Variants in MRC2 observed in about 807,000 individuals in gnomAD.
The protein encoded by MRC2 is C-type mannose receptor 2.
MRC2 carries 84 observed loss-of-function variants against 206.2 expected under a neutral mutation model. That is an observed-to-expected ratio of 0.41 (90% CI 0.34 to 0.49). MRC2 has a LOEUF of 0.49. Ranked by LOEUF, MRC2 falls within the 20% of genes least tolerant of loss-of-function variation. MRC2 has a pLI of 0.31. For missense variants in MRC2, 1,676 were observed against 2,001.5 expected, an observed-to-expected ratio of 0.84 and a Z score of 3.10; for synonymous variants, 798 against 800.0, an observed-to-expected ratio of 1.00 and a Z score of 0.04.
chr17:62,683,911 A>G (rs975505048), intron 20 of MRC2: 2 of 152,130 alleles, frequency 1.3e-5, no homozygotes, highest in Admixed American at 6.5e-5. Flanking sequence ...TAATATGCTC[A>G]CTTTGGCAGC....
chr17:62,629,393 G>T (rs1598961031), intron 1 of MRC2, among the ~76,000 whole-genome samples: 1 of 152,190 alleles, frequency 6.6e-6, no homozygotes, highest in Non-Finnish European at 1.5e-5. Flanking sequence ...TGAGAGGCCC[G>T]GTCAGGGAGG....
At chr17:62,636,814 C>T (rs2088327040) in intron 1 of MRC2, among the ~76,000 whole-genome samples, 1 of 151,930 alleles carries the variant, frequency 6.6e-6, no homozygotes, top group African/African-American at 2.4e-5. Context: ...CTATGTTGCC[C>T]AGGCCTGGCT....
In MRC2 at chr17:62,666,666, C is replaced by T. The variant is rs1013974319; in HGVS notation, c.859+47C>T. ...GCTCGTGCCTCTGGAGGGCCCGGGC[C>T]CTTTCCGCTTGTGGGTTGGGGAGAG... On this transcript the variant is annotated intron_variant, in intron 4 of 29. Transcript: ENST00000303375. The surrounding 1 kb of genome is among the most constrained non-coding windows in gnomAD (Gnocchi z 5.0). 1 of 1,549,920 alleles carries T rather than the reference C, an allele frequency of 6.5e-7. No homozygotes were observed.
chr17:62,680,689 A>G lies in MRC2; in HGVS notation c.2474-111A>G. On this transcript the variant is annotated intron_variant, in intron 16 of 29. Coordinates refer to ENST00000303375, the MANE Select transcript of MRC2 (RefSeq NM_006039.5). The surrounding 1 kb of genome is among the most constrained non-coding windows in gnomAD (Gnocchi z 4.8). Reference sequence around the variant, plus strand: ...GCCTGCCTGGGTCCGGTGTGCCTGCAGGCTCGCCTGCTGCCGCCTGGCTCT... The same window carrying G: ...GCCTGCCTGGGTCCGGTGTGCCTGCGGGCTCGCCTGCTGCCGCCTGGCTCT... 7.4e-7 allele frequency: 1 copy of G among 1,345,394 alleles called. No individual in the cohort carries two copies. Among genetic ancestry groups the G allele is most frequent in the Non-Finnish European group, 9.7e-7 (1 of 1,031,110 alleles). 83.3% of individuals were successfully genotyped at this position (1,345,394 alleles called of 1,614,324 possible). A position where few individuals can be genotyped will look rare whatever the true frequency, so the allele number is the denominator to read the frequency against.
intron 1 of MRC2, among the ~76,000 whole-genome samples, chr17:62,646,055 T>C (rs2088480769): frequency 1.3e-5 from 2 of 148,990 alleles, no homozygotes; most frequent in African/African-American, 2.5e-5. Context: ...GACGGAGTCT[T>C]GCTCTGTTGC....
At chr17:62,635,191 C>CT (rs35446845) in intron 1 of MRC2, among the ~76,000 whole-genome samples, 3,997 of 101,676 alleles carry the variant, frequency 0.039, 105 homozygotes, top group Non-Finnish European at 0.046. Context: ...CTATTTTTCT[C>CT]TTTTTTTTTT....
At chr17:62,631,085 T>G (rs974706186) in intron 1 of MRC2, among the ~76,000 whole-genome samples, 1 of 152,174 alleles carries the variant, frequency 6.6e-6, no homozygotes, top group African/African-American at 2.4e-5. Flanking sequence ...AGAGAAATCC[T>G]GGCTTTCTGA....
chr17:62,629,815 A>G (rs987413083), intron 1 of MRC2, among the ~76,000 whole-genome samples: 1 of 152,234 alleles, frequency 6.6e-6, no homozygotes, highest in Non-Finnish European at 1.5e-5. Flanking sequence ...CAGGAAATGC[A>G]TGTGGGAGGT....
intron 1 of MRC2, among the ~76,000 whole-genome samples, chr17:62,634,590 C>T (rs1295845312): frequency 6.6e-6 from 1 of 152,274 alleles, no homozygotes; most frequent in Non-Finnish European, 1.5e-5. Flanking sequence ...TGAGCCACCA[C>T]GCCTAGCCCA....
In MRC2 at chr17:62,680,426, G is replaced by C. The variant is rs772940657; in HGVS notation, c.2446G>C (p.Val816Leu). 2 of 1,614,002 alleles carry C rather than the reference G, an allele frequency of 1.2e-6. No homozygotes were observed. The highest frequency in any genetic ancestry group is 1.7e-5 in the Admixed American group (1 of 60,010). The change falls in exon 16 of 30, where the codon GTG becomes CTG. Residue 816 changes from valine to leucine, a missense_variant. Transcript: ENST00000303375. This position sits in a 1 kb window ranked among gnomAD's most constrained non-coding sequence, Gnocchi z 4.8. ...WICKIPRGTD[V>L]REPDDSPQGR... Reference sequence around the variant, plus strand: ...TGTCCTTGTTCCCCTAGGTACGGACGTGCGGGAGCCCGACGACAGCCCTCA... The same window carrying C: ...TGTCCTTGTTCCCCTAGGTACGGACCTGCGGGAGCCCGACGACAGCCCTCA...
intron 2 of MRC2, among the ~76,000 whole-genome samples, chr17:62,665,742 G>T (rs1029361623): frequency 9.2e-5 from 14 of 152,176 alleles, no homozygotes; most frequent in Admixed American, 9.2e-4. Context: ...AACTTTGTGG[G>T]GACACAGAGC....
chr17:62,674,886 T>C (rs754120909), intron 9 of MRC2, among the ~76,000 whole-genome samples: 2 of 152,100 alleles, frequency 1.3e-5, no homozygotes, highest in Non-Finnish European at 2.9e-5. Context: ...AGCAGCCCCT[T>C]GCAGCCAGGC....
rs1324873399 is a variant in MRC2, at chr17:62,664,026, C to T, written c.119-522C>T. 5.0e-5 allele frequency among the ~76,000 whole-genome samples: 7 copies of T among 141,388 alleles called. No homozygotes were observed. The highest frequency in any genetic ancestry group is 3.7e-4 in the Admixed American group (5 of 13,630). The allele number at this position is 141,388 out of a possible 152,430, so 92.8% of individuals were successfully genotyped here. A position where few individuals can be genotyped will look rare whatever the true frequency, so the allele number is the denominator to read the frequency against. ...CCAGGCTGGAGTGCAGTGGCGGGAT[C>T]TCGGCTCACTGCAAGCTCCGCCTCC... On this transcript the variant is annotated intron_variant, in intron 1 of 29. Transcript: ENST00000303375. The surrounding 1 kb of genome is among the most constrained non-coding windows in gnomAD (Gnocchi z 4.7).
In MRC2 at chr17:62,690,653, G is replaced by A. The variant is rs151096596; in HGVS notation, c.3904G>A (p.Val1302Ile). The A allele has an allele frequency of 7.3e-4, 1,182 of 1,608,788 alleles. 8 individuals are homozygous for A. In the African/African-American group the frequency reaches 0.013, roughly 17 times the overall value. Reference sequence around the variant, plus strand: ...TTCTTTGCATCCAGCGGGTGGGGCCGTCCTGTCTATCCTGGATGAGATGGA... The same window carrying A: ...TTCTTTGCATCCAGCGGGTGGGGCCATCCTGTCTATCCTGGATGAGATGGA... ...RQRCQRAGGA[V>I]LSILDEMENV... Residue 1302 changes from valine to isoleucine, a missense_variant, in exon 27 of 30, where the codon GTC becomes ATC. Transcript: ENST00000303375.
rs1420159322 is a variant in MRC2 at position 62,671,026 on chromosome 17, G to C, written c.1118-623G>C. 6.6e-6 allele frequency among the ~76,000 whole-genome samples: 1 copy of C among 152,240 alleles called. No homozygotes were observed. The highest frequency in any genetic ancestry group is 2.4e-5 in the African/African-American group (1 of 41,472). On this transcript the variant is annotated intron_variant, in intron 6 of 29. Coordinates refer to ENST00000303375, the MANE Select transcript of MRC2 (RefSeq NM_006039.5). The surrounding 1 kb of genome is among the most constrained non-coding windows in gnomAD (Gnocchi z 4.5). Reference sequence around the variant, plus strand: ...CCCATTTACAGAGGGAGAAACTGAGGTTCATGGGGCTGGTTTGTCCTTTCT... The same window carrying C: ...CCCATTTACAGAGGGAGAAACTGAGCTTCATGGGGCTGGTTTGTCCTTTCT...
chr17:62,688,442 C>G, intron 21 of MRC2, 39 bp downstream of exon 21: 1 of 1,613,986 alleles, frequency 6.2e-7, no homozygotes, highest in East Asian at 2.2e-5. Flanking sequence ...TATCCTCTGA[C>G]ACTGTCCCCC....
Position 62,680,057 on chromosome 17 carries a change from C to T in MRC2, c.2299-113C>T, listed in dbSNP as rs999060853. 21 of 1,538,868 alleles carry T rather than the reference C, an allele frequency of 1.4e-5. No individual in the cohort carries two copies. In the East Asian group the frequency reaches 2.9e-4, roughly 22 times the overall value. ...AGCAGGTCCGAGAGGGGTCACCCGGCCCCCGGTGAGAATTCGCAGCTCAGG... is the reference window on the plus strand; with the variant it reads ...AGCAGGTCCGAGAGGGGTCACCCGGTCCCCGGTGAGAATTCGCAGCTCAGG... On this transcript the variant is annotated intron_variant, in intron 14 of 29. Transcript: ENST00000303375. The surrounding 1 kb of genome is among the most constrained non-coding windows in gnomAD (Gnocchi z 4.8).
intron 1 of MRC2, among the ~76,000 whole-genome samples, chr17:62,640,035 T>TTA (rs1330869171): frequency 1.2e-4 from 10 of 83,090 alleles, no homozygotes; most frequent in South Asian, 4.4e-4. Context: ...TTTTTTTTTT[T>TTA]TTTTTTGTAT....
At chr17:62,662,272 TCTGA>T (rs2088690455) in intron 1 of MRC2, among the ~76,000 whole-genome samples, 1 of 151,868 alleles carries the variant, frequency 6.6e-6, no homozygotes, top group African/African-American at 2.4e-5. Context: ...AATAGATTAT[TCTGA>T]CTGTCTTTGG....
Sources: gnomAD v4.1 joint callset for allele counts (sites outside exome capture counted in the v4.1 genomes callset) on GRCh38, gnomAD v4.1.1 for gene constraint, Gnocchi (gnomAD v3.1) non-coding constraint, MANE v1.5 for transcripts, NCBI Gene and HGNC (gene_info 2026-07-23, HGNC 2026-07-21) for gene names.